The following PAX5 variants were observed in gnomAD, a reference collection of about 807,000 sequenced individuals.
The protein encoded by PAX5 is paired box protein Pax-5.
A neutral mutation model predicts 43.7 loss-of-function variants in PAX5; 9 were observed. That is an observed-to-expected ratio of 0.21 (90% CI 0.12 to 0.36). The LOEUF is 0.36. Ranked by LOEUF, PAX5 falls within the 10% of genes least tolerant of loss-of-function variation. PAX5 has a pLI of 1.00. For synonymous variants in PAX5, 228 were observed against 214.3 expected (o/e 1.06, Z -0.56); for missense variants, 383 against 532.7 (o/e 0.72, Z 2.77).
intron 5 of PAX5, among the ~76,000 whole-genome samples, chr9:36,999,684 A>G (rs1318280205): frequency 6.6e-6 from 1 of 152,168 alleles, no homozygotes; most frequent in Non-Finnish European, 1.5e-5. Flanking sequence ...TTCTTCTCTC[A>G]GGCTGCTGAT....
intron 7 of PAX5, among the ~76,000 whole-genome samples, chr9:36,914,567 T>C (rs1829577677): frequency 6.6e-6 from 1 of 152,234 alleles, no homozygotes; most frequent in Non-Finnish European, 1.5e-5. Context: ...ATAACTTTGC[T>C]TTCATCTCAT....
chr9:36,914,525 T>C (rs374665328), intron 7 of PAX5, among the ~76,000 whole-genome samples: 69 of 152,334 alleles, frequency 4.5e-4, no homozygotes, highest in African/African-American at 1.6e-3. Context: ...ACAGAGCATA[T>C]ACATATCATA....
chr9:37,029,276 A>G (rs1588279135), intron 1 of PAX5, among the ~76,000 whole-genome samples: 1 of 152,044 alleles, frequency 6.6e-6, no homozygotes, highest in South Asian at 2.1e-4. Context: ...CGCATGCTCT[A>G]CTTCTCAAAC....
At chr9:36,875,469 T>C (rs1825830063) in intron 8 of PAX5, among the ~76,000 whole-genome samples, 1 of 151,918 alleles carries the variant, frequency 6.6e-6, no homozygotes, top group African/African-American at 2.4e-5. Flanking sequence ...GTGCTGCACA[T>C]GAAAAGAGCA....
At chr9:36,971,857 AG>A (rs970671248) in intron 5 of PAX5, among the ~76,000 whole-genome samples, 1 of 152,232 alleles carries the variant, frequency 6.6e-6, no homozygotes, top group African/African-American at 2.4e-5. Context: ...TCACGCAAAA[AG>A]GGAAGAAGCA....
intron 7 of PAX5, among the ~76,000 whole-genome samples, chr9:36,895,244 C>T (rs1026892881): frequency 3.3e-5 from 5 of 152,232 alleles, no homozygotes; most frequent in African/African-American, 1.2e-4. Context: ...CACCCCATGC[C>T]TGTGTGTGCC....
intron 6 of PAX5, among the ~76,000 whole-genome samples, chr9:36,966,078 A>G (rs1834401863): frequency 6.6e-6 from 1 of 152,232 alleles, no homozygotes; most frequent in African/African-American, 2.4e-5. Context: ...CACTAAGAGA[A>G]TGACAAGGCG....
intron 8 of PAX5, among the ~76,000 whole-genome samples, chr9:36,876,851 A>G (rs1825953019): frequency 6.6e-6 from 1 of 152,240 alleles, no homozygotes; most frequent in Non-Finnish European, 1.5e-5. Context: ...CGGAAGGAGC[A>G]GACAACTCTG....
rs757277825 is a variant in PAX5, at chr9:37,002,722, G to A, written c.530C>T (p.Ser177Leu). The A allele has an allele frequency of 4.3e-6, 7 of 1,610,522 alleles. No homozygotes were observed. The highest frequency in any genetic ancestry group is 1.7e-4 in the Middle Eastern group (1 of 6,052). ...CAGGATGCCGCTGATGGAGTACGAC[G>A]AGCCGGCCGAATCCGTGCTCACCGA... Reference protein sequence around the residue: ...VSSVSTDSAGSSYSISGILGI... With the variant: ...VSSVSTDSAGLSYSISGILGI... Residue 177 changes from serine (S) to leucine (L), a missense_variant, in exon 5 of 10, where the codon TCG becomes TTG. Ser to Leu is a moderately radical substitution (Grantham distance 145, BLOSUM62 -2). Around this residue, in one of 5 missense-constraint regions of PAX5, gnomAD observed 291 missense variants for 342.5 expected, o/e 0.85. Transcript: ENST00000358127.
chr9:36,969,487 G>A (rs1330863264), intron 5 of PAX5, among the ~76,000 whole-genome samples: 2 of 152,246 alleles, frequency 1.3e-5, no homozygotes, highest in African/African-American at 4.8e-5. Context: ...CCAGCACAGA[G>A]TAAAGGCTCA....
intron 5 of PAX5, among the ~76,000 whole-genome samples, chr9:36,984,619 T>C (rs1836242822): frequency 6.6e-6 from 1 of 151,732 alleles, no homozygotes; most frequent in Non-Finnish European, 1.5e-5. Context: ...TTTTTGTATT[T>C]TTAGTAGAGG....
At chr9:36,936,850 GCA>G (rs3059895) in intron 6 of PAX5, among the ~76,000 whole-genome samples, 116,913 of 145,798 alleles carry the variant, frequency 0.8, 47,014 homozygotes, top group East Asian at 0.91. Context: ...ACACACACAT[GCA>G]CACACACACA....
intron 8 of PAX5, among the ~76,000 whole-genome samples, chr9:36,854,449 A>C (rs1823461303): frequency 1.3e-5 from 2 of 152,234 alleles, no homozygotes; most frequent in South Asian, 4.1e-4. Flanking sequence ...ATACACACAC[A>C]CTGGATTCTG....
intron 7 of PAX5, among the ~76,000 whole-genome samples, chr9:36,883,145 G>A (rs1212880080): frequency 6.6e-6 from 1 of 152,154 alleles, no homozygotes; most frequent in Non-Finnish European, 1.5e-5. Flanking sequence ...AGGCAAGGCT[G>A]GGACTGACAG....
chr9:36,840,116 G>C lies in PAX5; in HGVS notation c.*444C>G. ...CACCAAGAGTGCGAGATGCATCATGGGTGGAGCAGTCTTCTCAGTCGGACC... is the reference window on the plus strand; with the variant it reads ...CACCAAGAGTGCGAGATGCATCATGCGTGGAGCAGTCTTCTCAGTCGGACC... On this transcript the variant is annotated 3_prime_UTR_variant, in exon 10 of 10. Coordinates refer to ENST00000358127, the MANE Select transcript of PAX5 (RefSeq NM_016734.3). The C allele has an allele frequency of 8.2e-6, 3 of 363,962 alleles. No individual in the cohort carries two copies. Among genetic ancestry groups the C allele is most frequent in the Non-Finnish European group, 1.5e-5 (3 of 196,428 alleles). The allele number at this position is 363,962 out of a possible 1,614,324, so 22.5% of individuals were successfully genotyped here. A position where few individuals can be genotyped will look rare whatever the true frequency, so the allele number is the denominator to read the frequency against.
At chr9:36,986,267 G>C (rs1287355433) in intron 5 of PAX5, among the ~76,000 whole-genome samples, 2 of 149,650 alleles carry the variant, frequency 1.3e-5, no homozygotes, top group Non-Finnish European at 3.0e-5. Flanking sequence ...GGCCGCCGCG[G>C]GCCGCGCGGC....
rs1046493091 is a variant in PAX5 at position 36,839,079 on chromosome 9, T to C, written c.*1481A>G. On this transcript the variant is annotated 3_prime_UTR_variant, in exon 10 of 10. Transcript: ENST00000358127. Reference sequence around the variant, plus strand: ...TGTTCTGACTTGACAAGAGAGACTATGCAAGGAATTAAGGCCCCAGGTAAA... The same window carrying C: ...TGTTCTGACTTGACAAGAGAGACTACGCAAGGAATTAAGGCCCCAGGTAAA... 4.3e-6 allele frequency: 1 copy of C among 233,342 alleles called. No individual in the cohort carries two copies. Among genetic ancestry groups the C allele is most frequent in the Non-Finnish European group, 8.5e-6 (1 of 118,078 alleles). The allele number at this position is 233,342 out of a possible 1,614,324, so 14.5% of individuals were successfully genotyped here.
chr9:37,002,532 G>A (rs1012381964), intron 5 of PAX5, 116 bp downstream of exon 5: 2 of 1,114,234 alleles, frequency 1.8e-6, no homozygotes, highest in South Asian at 1.6e-5. Flanking sequence ...CGGGGGACTC[G>A]CTCCTCTGCA....
chr9:36,879,055 C>G (rs1037340745), intron 8 of PAX5, among the ~76,000 whole-genome samples: 1 of 152,182 alleles, frequency 6.6e-6, no homozygotes, highest in African/African-American at 2.4e-5. Context: ...GCTCCTCTGC[C>G]GAAGTGCTTG....
Sources: allele counts gnomAD v4.1 joint callset (sites outside exome capture counted in the v4.1 genomes callset), GRCh38; gene constraint gnomAD v4.1.1; regional missense constraint gnomAD v4.1.1; transcripts MANE v1.5; gene names NCBI Gene and HGNC (gene_info 2026-07-23, HGNC 2026-07-21).